The following LTN1 variants were observed in gnomAD, a reference collection of about 807,000 sequenced individuals.
LTN1 encodes E3 ubiquitin-protein ligase listerin.
In LTN1, 88 loss-of-function variants were observed where a neutral mutation model predicts 201.2. The observed-to-expected ratio is 0.44, with a 90% CI of 0.37 to 0.52. The LOEUF is 0.52. Among genes scored for constraint, LTN1 ranks in the 20% least tolerant of loss-of-function variants. The pLI is 0.00. For missense variants in LTN1, 1,752 were observed against 2,038.7 expected (o/e 0.86, Z 2.71); for synonymous variants, 645 against 713.5 (o/e 0.90, Z 1.53).
chr21:28,943,383 A>G, intron 23 of LTN1, 47 bp from the exon 24 acceptor site: 1 of 1,166,430 alleles, frequency 8.6e-7, no homozygotes, highest in Non-Finnish European at 1.3e-6. Flanking sequence ...TAAACTGTTT[A>G]TTAAGTCGTG....
chr21:28,932,526 C>G lies in LTN1; in HGVS notation c.5014G>C (p.Ala1672Pro). ...ATCCAGTTCCGCCACTGCTGAACAG[C>G]TACTCCTACTCTTTTCCCACTTTCT... ...IVESGKRVGVAVQQWRNWMLQ... is the reference protein window; with the variant it reads ...IVESGKRVGVPVQQWRNWMLQ... Residue 1672 changes from alanine (A) to proline (P), a missense_variant, in exon 28 of 30, where the codon GCT (alanine) becomes CCT (proline). This residue lies in a region of LTN1 where 261 missense variants were observed against 350.1 expected (regional missense o/e 0.75). Transcript: ENST00000361371. 1 of 1,614,094 alleles carries G rather than the reference C, an allele frequency of 6.2e-7. No individual in the cohort carries two copies. The highest frequency in any genetic ancestry group is 8.5e-7 in the Non-Finnish European group (1 of 1,179,984).
intron 26 of LTN1, 58 bp from the exon 27 acceptor site, chr21:28,935,387 C>G (rs1039176099): frequency 9.9e-7 from 1 of 1,009,792 alleles, no homozygotes; most frequent in African/African-American, 1.6e-5. Context: ...GAATAACAGA[C>G]TAATATTAGT....
intron 16 of LTN1, among the ~76,000 whole-genome samples, chr21:28,953,786 C>G (rs945766913): frequency 2.0e-5 from 3 of 152,166 alleles, no homozygotes; most frequent in Non-Finnish European, 4.4e-5. Flanking sequence ...AGTAAAAGGA[C>G]ATGAGGCCTC....
chr21:28,954,158 A>C (rs1490585453), intron 16 of LTN1, among the ~76,000 whole-genome samples: 1 of 152,218 alleles, frequency 6.6e-6, no homozygotes, highest in Non-Finnish European at 1.5e-5. Flanking sequence ...ACAAAAAATT[A>C]TTACTCTACT....
At chr21:28,931,942 G>A (rs997924736) in intron 28 of LTN1, among the ~76,000 whole-genome samples, 2 of 152,284 alleles carry the variant, frequency 1.3e-5, no homozygotes, top group Admixed American at 6.5e-5. Context: ...GGCAGAGGTT[G>A]CAGTGAGCTG....
chr21:28,932,549 T>C lies in LTN1; in HGVS notation c.4991A>G (p.Glu1664Gly). The change falls in exon 28 of 30, where the codon GAA becomes GGA. Residue 1664 changes from glutamate to glycine, a missense_variant. Physicochemically the swap from Glu to Gly is moderately conservative, Grantham distance 98. Around this residue, in one of 3 missense-constraint regions of LTN1, gnomAD observed 261 missense variants for 350.1 expected, o/e 0.75. Transcript: ENST00000361371. ...SNYPLGSIIV[E>G]SGKRVGVAVQ... Reference sequence around the variant, plus strand: ...AGCTACTCCTACTCTTTTCCCACTTTCTACTATTATTGAACCCAGTGGATA... The same window carrying C: ...AGCTACTCCTACTCTTTTCCCACTTCCTACTATTATTGAACCCAGTGGATA... 6.2e-7 allele frequency: 1 copy of C among 1,614,102 alleles called. No individual in the cohort carries two copies. The highest frequency in any genetic ancestry group is 1.1e-5 in the South Asian group (1 of 91,078).
At chr21:28,952,067 T>C (rs1440065270) in intron 18 of LTN1, 93 bp downstream of exon 18, 2 of 667,552 alleles carry the variant, frequency 3.0e-6, no homozygotes, top group Non-Finnish European at 5.0e-6. Flanking sequence ...AAACCTGTTT[T>C]CTTGATTCAT....
At chr21:28,988,410 T>C (rs2084717804) in intron 1 of LTN1, among the ~76,000 whole-genome samples, 2 of 150,130 alleles carry the variant, frequency 1.3e-5, no homozygotes, top group Admixed American at 1.3e-4. Flanking sequence ...GAGGTTGCAG[T>C]GAGTCAAGAT....
rs188221419 is a variant in LTN1, at chr21:28,945,795, G to A, written c.3768+12C>T. 9.9e-6 allele frequency: 16 copies of A among 1,609,562 alleles called. No individual in the cohort carries two copies. In the East Asian group the frequency reaches 1.6e-4, roughly 16 times the overall value. On this transcript the variant is annotated intron_variant, in intron 21 of 29. Coordinates refer to ENST00000361371, the MANE Select transcript of LTN1 (RefSeq NM_015565.3). The stretch of plus-strand genomic sequence containing the variant: ...AACCCACAAGAGGTGATGACATATC[G>A]GGTTAATTTACCTCCAACCAAGCCA...
chr21:28,965,403 A>G (rs946171013), intron 11 of LTN1, among the ~76,000 whole-genome samples: 1 of 152,170 alleles, frequency 6.6e-6, no homozygotes, highest in Non-Finnish European at 1.5e-5. Flanking sequence ...TAATTTTCTT[A>G]GTCAGTGGCA....
intron 18 of LTN1, among the ~76,000 whole-genome samples, chr21:28,950,859 G>A (rs2084376412): frequency 6.6e-6 from 1 of 152,186 alleles, no homozygotes; most frequent in Non-Finnish European, 1.5e-5. Flanking sequence ...TACAAAGAGA[G>A]AGAACAGATT....
At chr21:28,961,142 T>C (rs2146291741) in intron 11 of LTN1, among the ~76,000 whole-genome samples, 1 of 152,256 alleles carries the variant, frequency 6.6e-6, no homozygotes, top group African/African-American at 2.4e-5. Flanking sequence ...AGATTGTAAG[T>C]TCCTTGAGAG....
intron 6 of LTN1, among the ~76,000 whole-genome samples, chr21:28,975,853 TACTC>T (rs766183108): frequency 2.6e-5 from 4 of 152,220 alleles, no homozygotes; most frequent in Admixed American, 6.5e-5. Flanking sequence ...TTCCTCTCCT[TACTC>T]AAGAAAGATA....
intron 25 of LTN1, among the ~76,000 whole-genome samples, chr21:28,938,065 A>C (rs928142849): frequency 2.0e-5 from 3 of 152,190 alleles, no homozygotes; most frequent in Non-Finnish European, 4.4e-5. Context: ...AAGGTATAGA[A>C]ATTATAGGTT....
chr21:28,977,808 T>G (rs1379531497), intron 6 of LTN1, among the ~76,000 whole-genome samples: 1 of 146,180 alleles, frequency 6.8e-6, no homozygotes, highest in Non-Finnish European at 1.5e-5. Context: ...GGCACCTGAG[T>G]GCCAAGCTAC....
chr21:28,943,970 C>A, intron 22 of LTN1, 66 bp from the exon 23 acceptor site: 1 of 754,752 alleles, frequency 1.3e-6, no homozygotes, highest in Non-Finnish European at 2.2e-6. Context: ...AAATGATTCA[C>A]AAACAATCAA....
In LTN1 at chr21:28,966,462, C is replaced by G; in HGVS notation, c.2029G>C (p.Asp677His). 1 of 1,614,174 alleles carries G rather than the reference C, an allele frequency of 6.2e-7. No homozygotes were observed. Among genetic ancestry groups the G allele is most frequent in the Non-Finnish European group, 8.5e-7 (1 of 1,180,022 alleles). ...AAAATGTCCACCAGGAAACCAAAAT[C>G]CTTCCTTTGATCTTCATTTAGCCAA... ...IGWLNEDQRK[D>H]FGFLVDILYS... is the part of the protein sequence containing the mutation. The change falls in exon 10 of 30, where the codon GAT becomes CAT. Residue 677 changes from aspartate to histidine, a missense_variant. Transcript: ENST00000361371.
chr21:28,989,310 A>G (rs11910182), intron 1 of LTN1, among the ~76,000 whole-genome samples: 1,893 of 152,272 alleles, frequency 0.012, 54 homozygotes, highest in African/African-American at 0.043. Context: ...TCAAATTTCC[A>G]GTCTCCAATT....
At chr21:28,972,366 C>G (rs2084582145) in intron 6 of LTN1, among the ~76,000 whole-genome samples, 1 of 146,108 alleles carries the variant, frequency 6.8e-6, no homozygotes, top group Non-Finnish European at 1.5e-5. Flanking sequence ...ATCCCACCCT[C>G]CCACCCCCAC....
Sources: gnomAD v4.1 joint callset for allele counts (sites outside exome capture counted in the v4.1 genomes callset) on GRCh38, gnomAD v4.1.1 for gene constraint, gnomAD v4.1.1 regional missense constraint, MANE v1.5 for transcripts, NCBI Gene and HGNC (gene_info 2026-07-23, HGNC 2026-07-21) for gene names.